CALN1: variants seen among roughly 807,000 people sequenced by gnomAD.
The protein encoded by CALN1 is calcium-binding protein 8.
In CALN1, 17 loss-of-function variants were observed where a neutral mutation model predicts 30.6. That is an observed-to-expected ratio of 0.56 (90% CI 0.38 to 0.83). CALN1 has a LOEUF of 0.83. Among genes scored for constraint, CALN1 ranks in the 40% least tolerant of loss-of-function variants. The pLI is 0.00. For missense variants in CALN1, 291 were observed against 354.9 expected, an observed-to-expected ratio of 0.82 and a Z score of 1.45; for synonymous variants, 156 against 131.4, an observed-to-expected ratio of 1.19 and a Z score of -1.28.
intron 4 of CALN1, among the ~76,000 whole-genome samples, chr7:72,094,134 T>C (rs1227788037): frequency 6.6e-6 from 1 of 152,250 alleles, no homozygotes; most frequent in Non-Finnish European, 1.5e-5. Flanking sequence ...ATTCTAGGTC[T>C]GATGTGAATG....
At chr7:71,898,233 G>C (rs1394306921) in intron 5 of CALN1, among the ~76,000 whole-genome samples, 2 of 152,150 alleles carry the variant, frequency 1.3e-5, no homozygotes, top group Non-Finnish European at 2.9e-5. Flanking sequence ...AGGAGCCTGA[G>C]ACAGTAGAAT....
chr7:71,958,794 C>G (rs1160409550), intron 5 of CALN1, among the ~76,000 whole-genome samples: 1 of 152,112 alleles, frequency 6.6e-6, no homozygotes, highest in African/African-American at 2.4e-5. Context: ...CAAAATCAGG[C>G]AGAAAGGCAG....
chr7:71,986,081 C>T (rs1319145707), intron 5 of CALN1, among the ~76,000 whole-genome samples: 2 of 151,226 alleles, frequency 1.3e-5, no homozygotes, highest in African/African-American at 4.9e-5. Flanking sequence ...CAGAGTCTTG[C>T]TCTGCACCTA....
intron 4 of CALN1, among the ~76,000 whole-genome samples, chr7:72,037,071 C>T (rs34722735): frequency 0.21 from 32,159 of 152,206 alleles, 4,150 homozygotes; most frequent in Middle Eastern, 0.35. Flanking sequence ...ACTCAAACTC[C>T]TGGCCTCAAG....
In CALN1 at chr7:72,380,949, G is replaced by C. The variant is rs141607728; in HGVS notation, c.119+22302C>G. Among the ~76,000 whole-genome samples, 183 of 152,282 alleles carry C rather than the reference G, an allele frequency of 1.2e-3. 1 individual carries two copies. Among genetic ancestry groups the C allele is most frequent in the African/African-American group, 4.2e-3 (174 of 41,564 alleles). ...AGACTGGGGCAGATCACTGCAAAGA[G>C]AGCACAGCATAGTGACAGGGAAGCC... On this transcript the variant is annotated intron_variant, in intron 2 of 6. Coordinates refer to ENST00000395275, the MANE Select transcript of CALN1 (RefSeq NM_031468.4).
At chr7:72,358,786 TA>T (rs1329235669) in intron 2 of CALN1, among the ~76,000 whole-genome samples, 2 of 151,920 alleles carry the variant, frequency 1.3e-5, no homozygotes, top group Non-Finnish European at 2.9e-5. Context: ...CCGTCTCTAC[TA>T]AAAATACAAA....
At chr7:72,110,198 A>G (rs968746966) in intron 3 of CALN1, among the ~76,000 whole-genome samples, 2 of 152,082 alleles carry the variant, frequency 1.3e-5, no homozygotes, top group African/African-American at 4.8e-5. Flanking sequence ...ACAGGTAAGC[A>G]TCAACCTACA....
At chr7:72,346,374 T>G (rs531205271) in intron 2 of CALN1, among the ~76,000 whole-genome samples, 3 of 152,264 alleles carry the variant, frequency 2.0e-5, no homozygotes, top group South Asian at 2.1e-4. Context: ...AAAAAAATAT[T>G]TATTTTCTTT....
the CALN1 span, among the ~76,000 whole-genome samples, chr7:72,498,300 G>C: frequency 1.1e-4 from 16 of 151,828 alleles, no homozygotes; most frequent in East Asian, 2.5e-3. Context: ...TCCAACTTTG[G>C]TTATAAACAT....
chr7:72,261,151 T>G (rs2129552784), intron 3 of CALN1, among the ~76,000 whole-genome samples: 1 of 151,992 alleles, frequency 6.6e-6, no homozygotes, highest in South Asian at 2.1e-4. Context: ...TACAAAAAAT[T>G]ACAAAAATTC....
At chr7:72,287,136 A>G (rs1354144331) in intron 2 of CALN1, among the ~76,000 whole-genome samples, 7 of 152,132 alleles carry the variant, frequency 4.6e-5, no homozygotes, top group Non-Finnish European at 7.4e-5. Context: ...ATTTAATGAT[A>G]TTTTGCCTTC....
At chr7:71,813,269 T>C (rs571459346) in intron 5 of CALN1, among the ~76,000 whole-genome samples, 1 of 152,306 alleles carries the variant, frequency 6.6e-6, no homozygotes, top group South Asian at 2.1e-4. Flanking sequence ...GGTTTCGAAC[T>C]CCTGGCCTCA....
chr7:72,338,525 G>GTGTGTGTGTCTGTCTTTC, intron 2 of CALN1, among the ~76,000 whole-genome samples: 1 of 122,292 alleles, frequency 8.2e-6, no homozygotes, highest in African/African-American at 3.1e-5. Context: ...GTGTGTGTGT[G>GTGTGTGTGTCTGTCTTTC]TGTCTCACCT....
intron 1 of CALN1, among the ~76,000 whole-genome samples, chr7:72,411,644 A>C (rs998961956): frequency 6.6e-6 from 1 of 152,222 alleles, no homozygotes; most frequent in Admixed American, 6.5e-5. Flanking sequence ...GAAATACGAA[A>C]AGTCTTGTCA....
chr7:72,032,689 T>C (rs1410562539), intron 4 of CALN1, among the ~76,000 whole-genome samples: 1 of 152,194 alleles, frequency 6.6e-6, no homozygotes, highest in African/African-American at 2.4e-5. Context: ...TTAATGCAAA[T>C]GGCAATTGTC....
At chr7:72,447,578 G>C (rs946081106), upstream of CALN1, among the ~76,000 whole-genome samples, 2 of 152,142 alleles carry the variant, frequency 1.3e-5, no homozygotes, top group East Asian at 3.9e-4. Context: ...GGGAAACCTG[G>C]TCTGTACTGT....
intron 3 of CALN1, among the ~76,000 whole-genome samples, chr7:72,192,028 C>T (rs1790645916): frequency 6.6e-6 from 1 of 152,136 alleles, no homozygotes; most frequent in South Asian, 2.1e-4. Context: ...TGAGAGCTTC[C>T]AGAGTGCACC....
chr7:71,971,405 G>T (rs538395731), intron 5 of CALN1, among the ~76,000 whole-genome samples: 1 of 152,144 alleles, frequency 6.6e-6, no homozygotes, highest in Non-Finnish European at 1.5e-5. Flanking sequence ...AGCTGAGATC[G>T]TGCCACTGCA....
intron 2 of CALN1, among the ~76,000 whole-genome samples, chr7:72,359,545 A>T (rs1803434814): frequency 6.6e-6 from 1 of 152,214 alleles, no homozygotes; most frequent in African/African-American, 2.4e-5. Context: ...ATATGCAGGC[A>T]CCACGTGCCT....
Sources: allele counts gnomAD v4.1 joint callset (sites outside exome capture counted in the v4.1 genomes callset), GRCh38; gene constraint gnomAD v4.1.1; transcripts MANE v1.5; gene names NCBI Gene and HGNC (gene_info 2026-07-23, HGNC 2026-07-21).